Variants in CAND1 observed in about 807,000 individuals in gnomAD.
CAND1 encodes cullin associated and neddylation dissociated 1.
Under a neutral mutation model 108.5 loss-of-function variants are expected in CAND1, and 7 were observed. The observed-to-expected ratio is 0.06, with a 90% CI of 0.04 to 0.12. The LOEUF (loss-of-function observed/expected upper bound fraction) is 0.12. CAND1 is among the 10% of genes least tolerant of loss of function. The pLI is 1.00. For synonymous variants in CAND1, 534 were observed against 512.0 expected, an observed-to-expected ratio of 1.04 and a Z score of -0.58; for missense variants, 941 against 1,448.7, an observed-to-expected ratio of 0.65 and a Z score of 5.69.
intron 7 of CAND1, among the ~76,000 whole-genome samples, chr12:67,301,630 A>G (rs1465011576): frequency 6.6e-6 from 1 of 152,170 alleles, no homozygotes; most frequent in Non-Finnish European, 1.5e-5. Context: ...AGGGGAAAAA[A>G]TGGTCCTCTG....
intron 2 of CAND1, among the ~76,000 whole-genome samples, chr12:67,287,857 A>ATTTTT (rs34177330): frequency 5.3e-5 from 6 of 112,550 alleles, no homozygotes; most frequent in South Asian, 2.9e-4. Context: ...TTTTGATGTG[A>ATTTTT]TTTTTTTTTT....
rs1323654190 is a variant in CAND1, at chr12:67,316,849, A to G, written c.*4019A>G. On this transcript the variant is annotated 3_prime_UTR_variant, in exon 15 of 15. Coordinates refer to ENST00000545606, the MANE Select transcript of CAND1 (RefSeq NM_018448.5). ...TAGTCTAGAATGCTCTCAAAAAAAT[A>G]GTAAAGAATTGTACTTCAGGGCCAG... The G allele has an allele frequency of 3.9e-5, 6 of 152,178 alleles. No individual in the cohort carries two copies. The highest frequency in any genetic ancestry group is 2.9e-5 in the Non-Finnish European group (2 of 68,038). 9.4% of individuals were successfully genotyped at this position (152,178 alleles called of 1,614,324 possible). A position where few individuals can be genotyped will look rare whatever the true frequency, so the allele number is the denominator to read the frequency against.
chr12:67,297,855 T>C lies in CAND1; in HGVS notation c.854+2T>C. 6.6e-7 allele frequency: 1 copy of C among 1,523,190 alleles called. No homozygotes were observed. The highest frequency in any genetic ancestry group is 9.0e-7 in the Non-Finnish European group (1 of 1,109,026). 94.4% of individuals were successfully genotyped at this position (1,523,190 alleles called of 1,614,324 possible). On this transcript the variant is annotated splice_donor_variant, in intron 6 of 14. Coordinates refer to ENST00000545606, the MANE Select transcript of CAND1 (RefSeq NM_018448.5). LOFTEE classifies it high-confidence loss of function. ...AGCCTTTGAATCATTTGTAAGAAGG[T>C]AAGTTTTTAAGATCTCTATTTTTTA...
At chr12:67,302,177 A>T in intron 7 of CAND1, 146 bp from the exon 8 acceptor site, 1 of 614,804 alleles carries the variant, frequency 1.6e-6, no homozygotes, top group Non-Finnish European at 2.8e-6. Flanking sequence ...TTCAAGTTCT[A>T]GTTCTGTTGA....
chr12:67,312,390 T>C (rs1033701071), intron 14 of CAND1, among the ~76,000 whole-genome samples: 14 of 152,244 alleles, frequency 9.2e-5, no homozygotes, highest in Non-Finnish European at 1.5e-4. Context: ...GTCTAGATTT[T>C]CTGTTTTTAT....
intron 2 of CAND1, among the ~76,000 whole-genome samples, chr12:67,285,760 A>G (rs1327909333): frequency 6.6e-6 from 1 of 152,208 alleles, no homozygotes; most frequent in African/African-American, 2.4e-5. Flanking sequence ...GCCTGTTACA[A>G]AACTCATATA....
rs1482814184 is a variant in CAND1 at position 67,318,739 on chromosome 12, CTG to C, written c.*5911_*5912del. On this transcript the variant is annotated 3_prime_UTR_variant, in exon 15 of 15. Coordinates refer to ENST00000545606, the MANE Select transcript of CAND1 (RefSeq NM_018448.5). ...GCCAGGGCTACAAAAGCTGTTGAGA[CTG>C]TACTTGATATGAAGAAGCTTGCTGA... 1.3e-5 allele frequency: 2 copies of C among 152,262 alleles called. No homozygotes were observed. Among genetic ancestry groups the C allele is most frequent in the South Asian group, 2.1e-4 (1 of 4,826 alleles). The allele number at this position is 152,262 out of a possible 1,614,324, so 9.4% of individuals were successfully genotyped here. A position where few individuals can be genotyped will look rare whatever the true frequency, so the allele number is the denominator to read the frequency against.
At chr12:67,299,719 T>C (rs536379234) in intron 7 of CAND1, among the ~76,000 whole-genome samples, 94 of 152,304 alleles carry the variant, frequency 6.2e-4, no homozygotes, top group Non-Finnish European at 1.2e-3. Context: ...ATATTTACTC[T>C]GGAAAGTAGT....
At chr12:67,303,744 C>T (rs1284840735) in intron 8 of CAND1, among the ~76,000 whole-genome samples, 2 of 152,090 alleles carry the variant, frequency 1.3e-5, no homozygotes, top group Non-Finnish European at 2.9e-5. Context: ...ACTAGCAAAA[C>T]ATTAGGAAGT....
chr12:67,296,434 C>CTT (rs879414948), intron 4 of CAND1, among the ~76,000 whole-genome samples: 11 of 147,758 alleles, frequency 7.4e-5, no homozygotes, highest in African/African-American at 2.5e-4. Context: ...ATTTAGATTT[C>CTT]TTTTTTTTTT....
At position 67,305,861 on chromosome 12, in the gene CAND1, T is replaced by C. The variant is rs2136017602; in HGVS notation, c.2193T>C (p.Ser731=). The change falls in exon 10 of 15, where the codon AGT becomes AGC. Residue 731 remains serine (S), a synonymous_variant. Coordinates refer to ENST00000545606, the MANE Select transcript of CAND1 (RefSeq NM_018448.5). This position sits in a 1 kb window ranked among gnomAD's most constrained non-coding sequence, Gnocchi z 4.4. ...KVYPSSLSKI[S]GSILNELIGL... ...ATCCCTCCTCCCTTTCAAAGATAAG[T>C]GGATCCATTCTCAATGAACTTATTG... 6.2e-7 allele frequency: 1 copy of C among 1,614,182 alleles called. No homozygotes were observed. The highest frequency in any genetic ancestry group is 8.5e-7 in the Non-Finnish European group (1 of 1,180,018).
intron 1 of CAND1, among the ~76,000 whole-genome samples, chr12:67,276,597 G>C (rs948472387): frequency 6.6e-6 from 1 of 152,224 alleles, no homozygotes; most frequent in African/African-American, 2.4e-5. Flanking sequence ...CAGGGGGAAA[G>C]CTGTAGTTGG....
At chr12:67,291,566 C>A (rs1220051505) in intron 2 of CAND1, among the ~76,000 whole-genome samples, 1 of 151,986 alleles carries the variant, frequency 6.6e-6, no homozygotes, top group Non-Finnish European at 1.5e-5. Context: ...GGGATGGAAC[C>A]CAAGTCTAAA....
At chr12:67,282,174 A>G in intron 2 of CAND1, 121 bp downstream of exon 2, 2 of 1,005,464 alleles carry the variant, frequency 2.0e-6, no homozygotes, top group African/African-American at 1.6e-5. Context: ...GTGTGTGTGT[A>G]GAATTTTTAG....
At chr12:67,291,083 A>G (rs1163501131) in intron 2 of CAND1, among the ~76,000 whole-genome samples, 1 of 152,184 alleles carries the variant, frequency 6.6e-6, no homozygotes, top group Non-Finnish European at 1.5e-5. Context: ...ATGGTTGGGA[A>G]CTGCTGTCTT....
Position 67,302,489 on chromosome 12 carries a change from T to C in CAND1, c.1167T>C (p.Asn389=), listed in dbSNP as rs968464653. The C allele has an allele frequency of 3.1e-6, 5 of 1,614,030 alleles. No individual in the cohort carries two copies. The African/African-American group carries it at 4.0e-5, about 13-fold the overall frequency. ...LISRFKEREE[N]VKADVFHAYL... is the part of the protein sequence containing the mutation. ...CCAGATTTAAAGAGCGTGAAGAGAA[T>C]GTAAAGGCAGATGTTTTTCACGCAT... is the stretch of plus-strand genomic sequence containing the variant. The change falls in exon 8 of 15, where the codon AAT becomes AAC. Residue 389 remains asparagine, a synonymous_variant. Coordinates refer to ENST00000545606, the MANE Select transcript of CAND1 (RefSeq NM_018448.5).
intron 1 of CAND1, among the ~76,000 whole-genome samples, chr12:67,279,016 G>A (rs1388853554): frequency 2.0e-5 from 3 of 152,120 alleles, no homozygotes; most frequent in East Asian, 3.8e-4. Context: ...TACCTGATAT[G>A]TAGTAGGTTC....
chr12:67,308,702 G>A (rs1592625273), intron 11 of CAND1, among the ~76,000 whole-genome samples: 1 of 151,968 alleles, frequency 6.6e-6, no homozygotes, highest in South Asian at 2.1e-4. Context: ...ACTGAAAGCG[G>A]ATATATACTC....
At chr12:67,275,398 A>G (rs1482691302) in intron 1 of CAND1, among the ~76,000 whole-genome samples, 1 of 151,602 alleles carries the variant, frequency 6.6e-6, no homozygotes. Flanking sequence ...ATGGTGGTGC[A>G]TACCTGTAAT....
Sources: allele counts gnomAD v4.1 joint callset (sites outside exome capture counted in the v4.1 genomes callset), GRCh38; gene constraint gnomAD v4.1.1; non-coding constraint Gnocchi (gnomAD v3.1); transcripts MANE v1.5; gene names NCBI Gene and HGNC (gene_info 2026-07-23, HGNC 2026-07-21).